The following SNRNP70 variants were observed in gnomAD, a reference collection of about 807,000 sequenced individuals.
SNRNP70 encodes the protein small nuclear ribonucleoprotein U1 subunit 70, also known as U1 small nuclear ribonucleoprotein 70 kDa.
In SNRNP70, 8 loss-of-function variants were observed where a neutral mutation model predicts 50.5. The ratio of observed to expected loss-of-function variants is 0.16; its 90% CI spans 0.09 to 0.29. The LOEUF is 0.29. SNRNP70 is among the 10% of genes least tolerant of loss of function. The pLI, the probability that SNRNP70 is intolerant of heterozygous loss-of-function variation, is 1.00. For synonymous variants in SNRNP70, 320 were observed against 252.9 expected, an observed-to-expected ratio of 1.27 and a Z score of -2.52; for missense variants, 529 against 663.5, an observed-to-expected ratio of 0.80 and a Z score of 2.23.
intron 8 of SNRNP70, among the ~76,000 whole-genome samples, chr19:49,105,987 A>G (rs192942192): frequency 6.6e-5 from 10 of 152,306 alleles, no homozygotes; most frequent in Non-Finnish European, 1.3e-4. Flanking sequence ...TGAGGACTGA[A>G]TCCTGCAAAG....
chr19:49,108,437 G>A lies in SNRNP70; in HGVS notation c.1308G>A (p.Pro436=), dbSNP rs375225934. ...ATGGGTATTTGATGGAGGCTGCGCC[G>A]GAGTGAAGAGGTCGTCCTCTCCATC... ...PENGYLMEAA[P]E is the part of the protein sequence containing the mutation. The change falls in exon 10 of 10, where the codon CCG becomes CCA. Residue 436 remains proline, a synonymous_variant. Coordinates refer to ENST00000598441, the MANE Select transcript of SNRNP70 (RefSeq NM_003089.6). 2.0e-5 allele frequency: 32 copies of A among 1,598,674 alleles called. No individual in the cohort carries two copies. The highest frequency in any genetic ancestry group is 1.2e-4 in the African/African-American group (9 of 74,582).
intron 6 of SNRNP70, among the ~76,000 whole-genome samples, chr19:49,100,488 G>A (rs926511311): frequency 2.0e-5 from 3 of 152,072 alleles, no homozygotes; most frequent in African/African-American, 7.3e-5. Flanking sequence ...GGCTGTGCAC[G>A]TGTCCTTTCT....
At chr19:49,096,880 A>G (rs969486813) in intron 4 of SNRNP70, among the ~76,000 whole-genome samples, 1 of 151,912 alleles carries the variant, frequency 6.6e-6, no homozygotes, top group African/African-American at 2.4e-5. Context: ...CTGTAATCCC[A>G]GCACTTTGGG....
At position 49,098,757 on chromosome 19, in the gene SNRNP70, G is replaced by T. The variant is rs983994208; in HGVS notation, c.393+53G>T. 5 of 1,443,344 alleles carry T rather than the reference G, an allele frequency of 3.5e-6. No individual in the cohort carries two copies. In the African/African-American group the frequency reaches 7.0e-5, roughly 20 times the overall value. The allele number at this position is 1,443,344 out of a possible 1,614,324, so 89.4% of individuals were successfully genotyped here. On this transcript the variant is annotated intron_variant, in intron 6 of 9. Coordinates refer to ENST00000598441, the MANE Select transcript of SNRNP70 (RefSeq NM_003089.6). ...ATTGGGGGTGCATGGAGGAGGGGCT[G>T]TATCCTGAGAGGGAGGGAGAGAGGT... is the stretch of plus-strand genomic sequence containing the variant.
At chr19:49,101,877 C>G (rs1050367159) in intron 7 of SNRNP70, among the ~76,000 whole-genome samples, 1 of 151,836 alleles carries the variant, frequency 6.6e-6, no homozygotes, top group Non-Finnish European at 1.5e-5. Flanking sequence ...CTTCCCCCCC[C>G]AGTAGAACTG....
In SNRNP70 at chr19:49,098,646, A is replaced by T; in HGVS notation, c.335A>T (p.Tyr112Phe). The T allele has an allele frequency of 6.2e-7, 1 of 1,613,984 alleles. No homozygotes were observed. Among genetic ancestry groups the T allele is most frequent in the Non-Finnish European group, 8.5e-7 (1 of 1,179,836 alleles). Residue 112 changes from tyrosine (Y) to phenylalanine (F), a missense_variant, in exon 6 of 10, where the codon TAT becomes TTT. By Grantham distance (22) the Tyr-to-Phe change is conservative. Transcript: ENST00000598441. Reference sequence around the variant, plus strand: ...GTCATATCCATCTCCTTGTAGAATTATGACACAACAGAATCCAAGCTCCGG... The same window carrying T: ...GTCATATCCATCTCCTTGTAGAATTTTGACACAACAGAATCCAAGCTCCGG... ...FKTLFVARVN[Y>F]DTTESKLRRE...
At chr19:49,098,108 C>T (rs1386793539) in intron 4 of SNRNP70, among the ~76,000 whole-genome samples, 1 of 152,178 alleles carries the variant, frequency 6.6e-6, no homozygotes, top group South Asian at 2.1e-4. Context: ...CATCTGGGAG[C>T]GATAGGGCCC....
chr19:49,099,324 A>G (rs942527359), intron 6 of SNRNP70, among the ~76,000 whole-genome samples: 4 of 152,108 alleles, frequency 2.6e-5, no homozygotes, highest in Non-Finnish European at 5.9e-5. Flanking sequence ...AATGGCTCAC[A>G]CCTGTAATCT....
Position 49,108,586 on chromosome 19 carries a change from A to G in SNRNP70, c.*143A>G. The stretch of plus-strand genomic sequence containing the variant: ...GTTCTGGCCCCTTGGATTTAAAAAT[A>G]AAATTAATTTCCTGTTGATAGTGGG... On this transcript the variant is annotated 3_prime_UTR_variant, in exon 10 of 10. Coordinates refer to ENST00000598441, the MANE Select transcript of SNRNP70 (RefSeq NM_003089.6). 1 of 1,125,274 alleles carries G rather than the reference A, an allele frequency of 8.9e-7. No individual in the cohort carries two copies. The highest frequency in any genetic ancestry group is 1.2e-6 in the Non-Finnish European group (1 of 819,138). 69.7% of individuals were successfully genotyped at this position (1,125,274 alleles called of 1,614,324 possible).
At chr19:49,105,741 CAAAA>C (rs11351015) in intron 8 of SNRNP70, among the ~76,000 whole-genome samples, 6 of 150,392 alleles carry the variant, frequency 4.0e-5, no homozygotes, top group Non-Finnish European at 8.9e-5. Context: ...AAAAAAAAAA[CAAAA>C]AACAAAAAAA....
At chr19:49,086,255 C>T (rs1364337846) in intron 1 of SNRNP70, 150 bp from the exon 2 acceptor site, 3 of 811,616 alleles carry the variant, frequency 3.7e-6, no homozygotes, top group African/African-American at 1.8e-5. Context: ...CCCTTTTCTC[C>T]GCAACACAGG....
intron 4 of SNRNP70, among the ~76,000 whole-genome samples, chr19:49,097,840 C>T (rs1044186073): frequency 5.9e-5 from 9 of 152,080 alleles, no homozygotes; most frequent in South Asian, 2.1e-4. Flanking sequence ...TCTGATCTGA[C>T]GCTAGTCAGT....
At chr19:49,093,412 C>T (rs951299360) in intron 4 of SNRNP70, among the ~76,000 whole-genome samples, 5 of 152,170 alleles carry the variant, frequency 3.3e-5, no homozygotes, top group Non-Finnish European at 4.4e-5. Flanking sequence ...AACGGTTCCA[C>T]CCGGGCGTGG....
Position 49,086,570 on chromosome 19 carries a change from A to G in SNRNP70, c.147+9A>G. 1 of 1,613,562 alleles carries G rather than the reference A, an allele frequency of 6.2e-7. No individual in the cohort carries two copies. Among genetic ancestry groups the G allele is most frequent in the Non-Finnish European group, 8.5e-7 (1 of 1,179,698 alleles). On this transcript the variant is annotated intron_variant, in intron 2 of 9. Transcript: ENST00000598441. ...ACATTCGAGAGTTTGAGGTGAGTTC[A>G]CTGAGCAGGCCAGGAATGGTTTGGG...
At chr19:49,103,214 T>C (rs922948630) in intron 7 of SNRNP70, 2 of 152,522 alleles carry the variant, frequency 1.3e-5, no homozygotes, top group South Asian at 2.1e-4. Context: ...TAGCCTTCTT[T>C]GTAAATTCAC....
intron 2 of SNRNP70, among the ~76,000 whole-genome samples, chr19:49,089,783 C>T (rs1218549509): frequency 6.6e-6 from 1 of 150,892 alleles, no homozygotes; most frequent in South Asian, 2.1e-4. Flanking sequence ...CTGCCTCAGC[C>T]TCCCGAGTAG....
Position 49,086,450 on chromosome 19 carries a change from C to G in SNRNP70, c.36C>G (p.Leu12=). 1.9e-6 allele frequency: 3 copies of G among 1,614,094 alleles called. No homozygotes were observed. The stretch of plus-strand genomic sequence containing the variant: ...TCCTGCCGCCCAACCTTCTGGCCCT[C>G]TTTGCCCCCCGTGACCCTATTCCAT... ...TQFLPPNLLA[L]FAPRDPIPYL... is the part of the protein sequence containing the mutation. Residue 12 remains leucine, a synonymous_variant, in exon 2 of 10, where the codon CTC becomes CTG. Transcript: ENST00000598441.
At chr19:49,094,265 G>C (rs576485414) in intron 4 of SNRNP70, among the ~76,000 whole-genome samples, 69 of 152,288 alleles carry the variant, frequency 4.5e-4, no homozygotes, top group African/African-American at 1.5e-3. Flanking sequence ...AGCACTCTGG[G>C]AGGCTGAGGT....
intron 1 of SNRNP70, 65 bp from the exon 2 acceptor site, chr19:49,086,340 G>T (rs1254958222): frequency 6.7e-7 from 1 of 1,496,012 alleles, no homozygotes; most frequent in East Asian, 2.4e-5. Context: ...GAGAGTCAAG[G>T]AGTAACAGGG....
Sources: gnomAD v4.1 joint callset for allele counts (sites outside exome capture counted in the v4.1 genomes callset) on GRCh38, gnomAD v4.1.1 for gene constraint, MANE v1.5 for transcripts, NCBI Gene and HGNC (gene_info 2026-07-23, HGNC 2026-07-21) for gene names.